EPM2A: variants seen among roughly 807,000 people sequenced by gnomAD.
The protein encoded by EPM2A is laforin.
Under a neutral mutation model 26.5 loss-of-function variants are expected in EPM2A, and 21 were observed. That is an observed-to-expected ratio of 0.79 (90% CI 0.56 to 1.14). The LOEUF (loss-of-function observed/expected upper bound fraction) is 1.14. Ranked by LOEUF, EPM2A falls within the 50% of genes most tolerant of loss-of-function variation. The probability of loss-of-function intolerance (pLI) is 0.00; values close to 1 mark genes in which losing one functional copy is unlikely to be tolerated. For synonymous variants in EPM2A, 217 were observed against 177.6 expected, an observed-to-expected ratio of 1.22 and a Z score of -1.76; for missense variants, 458 against 440.8, an observed-to-expected ratio of 1.04 and a Z score of -0.35.
At chr6:145,734,252 T>C (rs535427513) in intron 1 of EPM2A, among the ~76,000 whole-genome samples, 2 of 152,294 alleles carry the variant, frequency 1.3e-5, no homozygotes, top group South Asian at 4.1e-4. Flanking sequence ...AATATACATC[T>C]ACATGTAAAA....
chr6:145,432,813 G>A (rs936358579), intron 4 of EPM2A, among the ~76,000 whole-genome samples: 5 of 152,132 alleles, frequency 3.3e-5, no homozygotes, highest in African/African-American at 1.2e-4. Context: ...TATTTGTTTA[G>A]TATAGCCATG....
intron 4 of EPM2A, among the ~76,000 whole-genome samples, chr6:145,484,551 T>C (rs1050539702): frequency 1.9e-4 from 29 of 152,168 alleles, no homozygotes; most frequent in Non-Finnish European, 1.3e-4. Flanking sequence ...AAAGACATAA[T>C]CTCCAAATCC....
exon 4 of EPM2A, chr6:145,501,778 T>C (rs1214685567): frequency 4.2e-6 from 2 of 470,962 alleles, no homozygotes; most frequent in Non-Finnish European, 8.8e-6. Flanking sequence ...TTCTACGAGA[T>C]ATAATAAGGT....
intron 4 of EPM2A, among the ~76,000 whole-genome samples, chr6:145,395,649 AC>A (rs1325076201): frequency 6.6e-6 from 1 of 151,910 alleles, no homozygotes; most frequent in African/African-American, 2.4e-5. Flanking sequence ...TCCTCTCCTA[AC>A]CTAGCCATAG....
chr6:145,449,272 G>GA (rs1219735852), intron 4 of EPM2A, among the ~76,000 whole-genome samples: 2 of 152,154 alleles, frequency 1.3e-5, no homozygotes, highest in East Asian at 3.8e-4. Context: ...TTTCAGGAAT[G>GA]ACAGCACCAA....
intron 4 of EPM2A, among the ~76,000 whole-genome samples, chr6:145,405,453 A>T (rs1408983726): frequency 2.0e-5 from 3 of 152,162 alleles, no homozygotes. Flanking sequence ...GACACCCTAG[A>T]GTTAAATATA....
At chr6:145,466,053 A>G (rs536835202) in intron 4 of EPM2A, among the ~76,000 whole-genome samples, 99 of 152,250 alleles carry the variant, frequency 6.5e-4, no homozygotes, top group African/African-American at 2.3e-3. Flanking sequence ...AAACCTAGGC[A>G]TTACCATTCA....
chr6:145,438,564 C>T (rs1779019363), intron 4 of EPM2A, among the ~76,000 whole-genome samples: 1 of 148,260 alleles, frequency 6.7e-6, no homozygotes, highest in Non-Finnish European at 1.5e-5. Context: ...ACCTCTGCCT[C>T]TGGAGCTCAA....
At chr6:145,422,961 T>C (rs1168939552) in intron 4 of EPM2A, among the ~76,000 whole-genome samples, 1 of 152,176 alleles carries the variant, frequency 6.6e-6, no homozygotes, top group African/African-American at 2.4e-5. Context: ...TATATGAATA[T>C]ATATTTGTCA....
intron 4 of EPM2A, among the ~76,000 whole-genome samples, chr6:145,450,474 C>A (rs1244296626): frequency 1.3e-5 from 2 of 151,828 alleles, no homozygotes; most frequent in Non-Finnish European, 2.9e-5. Flanking sequence ...CCCAGCAGAA[C>A]TGTATATGTA....
intron 4 of EPM2A, among the ~76,000 whole-genome samples, chr6:145,426,888 CT>C (rs1281936079): frequency 2.0e-5 from 3 of 152,144 alleles, no homozygotes; most frequent in African/African-American, 7.2e-5. Flanking sequence ...CCTGAATCAT[CT>C]TCAAAATGCA....
intron 4 of EPM2A, among the ~76,000 whole-genome samples, chr6:145,443,938 T>C (rs1413561257): frequency 6.6e-6 from 1 of 152,226 alleles, no homozygotes; most frequent in Non-Finnish European, 1.5e-5. Flanking sequence ...ATGCCATGAT[T>C]GTGAGGCCTC....
intron 4 of EPM2A, chr6:145,490,227 T>G: frequency 8.4e-7 from 1 of 1,189,768 alleles, no homozygotes; most frequent in Non-Finnish European, 1.2e-6. Context: ...CTTCCTTGCA[T>G]AAACCACAAG....
At chr6:145,480,846 C>T (rs1226276932) in intron 4 of EPM2A, among the ~76,000 whole-genome samples, 1 of 151,958 alleles carries the variant, frequency 6.6e-6, no homozygotes, top group Non-Finnish European at 1.5e-5. Flanking sequence ...AATGTATTAG[C>T]AATTATTTCT....
At chr6:145,597,728 T>C (rs1781366862) in intron 2 of EPM2A, among the ~76,000 whole-genome samples, 1 of 152,154 alleles carries the variant, frequency 6.6e-6, no homozygotes, top group African/African-American at 2.4e-5. Context: ...CTCTCTTTCC[T>C]TTCACCCTCA....
intron 2 of EPM2A, among the ~76,000 whole-genome samples, chr6:145,519,298 G>A (rs1193542665): frequency 1.3e-5 from 2 of 152,206 alleles, no homozygotes; most frequent in East Asian, 3.9e-4. Flanking sequence ...GATGCACCAT[G>A]GATATTTAAC....
chr6:145,642,734 C>T (rs1777179595), intron 2 of EPM2A, among the ~76,000 whole-genome samples: 1 of 152,090 alleles, frequency 6.6e-6, no homozygotes. Flanking sequence ...ACCCAAAGTC[C>T]TTTTTAAAGC....
In EPM2A at chr6:145,691,077, G is replaced by A. The variant is rs1034641709; in HGVS notation, c.302-4781C>T. On this transcript the variant is annotated intron_variant, in intron 1 of 3. Coordinates refer to ENST00000367519, the MANE Select transcript of EPM2A (RefSeq NM_005670.4). ...TGGAAGAAGAGGGAAAAGATAGTAG[G>A]GCTTAAAAGTACTTAAGAAAATAAT... Among the ~76,000 whole-genome samples the A allele has an allele frequency of 7.9e-5, 12 of 151,794 alleles. No homozygotes were observed. The East Asian group carries it at 1.2e-3, about 15-fold the overall frequency.
At chr6:145,659,721 G>A (rs1027932016) in intron 2 of EPM2A, among the ~76,000 whole-genome samples, 2 of 152,076 alleles carry the variant, frequency 1.3e-5, no homozygotes, top group Admixed American at 1.3e-4. Context: ...TGTCCTAAAG[G>A]TTTATCCATG....
Sources: gnomAD v4.1 joint callset for allele counts (sites outside exome capture counted in the v4.1 genomes callset) on GRCh38, gnomAD v4.1.1 for gene constraint, MANE v1.5 for transcripts, NCBI Gene and HGNC (gene_info 2026-07-23, HGNC 2026-07-21) for gene names.